MACROD2: variants seen among roughly 807,000 people sequenced by gnomAD.
MACROD2 encodes the protein mono-ADP ribosylhydrolase 2.
MACROD2 carries 36 observed loss-of-function variants against 70.4 expected under a neutral mutation model. The observed-to-expected ratio is 0.51, with a 90% CI of 0.39 to 0.68. The LOEUF (loss-of-function observed/expected upper bound fraction) is 0.68. Among genes scored for constraint, MACROD2 ranks in the 30% least tolerant of loss-of-function variants. The pLI is 0.00. For missense variants in MACROD2, 496 were observed against 538.4 expected (o/e 0.92, Z 0.78); for synonymous variants, 172 against 178.8 (o/e 0.96, Z 0.30).
intron 6 of MACROD2, among the ~76,000 whole-genome samples, chr20:15,296,113 G>A (rs1463289761): frequency 1.3e-5 from 2 of 152,030 alleles, no homozygotes; most frequent in African/African-American, 2.4e-5. Flanking sequence ...CAACTGTCTT[G>A]GTAAATTTCT....
chr20:15,258,328 C>T (rs1166727522), intron 6 of MACROD2, among the ~76,000 whole-genome samples: 1 of 151,966 alleles, frequency 6.6e-6, no homozygotes, highest in Non-Finnish European at 1.5e-5. Flanking sequence ...ACTCACTCAC[C>T]ACTCACTCAC....
intron 8 of MACROD2, among the ~76,000 whole-genome samples, chr20:15,531,336 A>G (rs1000556000): frequency 2.7e-5 from 4 of 149,890 alleles, no homozygotes; most frequent in African/African-American, 7.4e-5. Context: ...AAATATAAAC[A>G]TGTATTATTT....
chr20:15,533,081 T>C (rs1350935344), intron 8 of MACROD2, among the ~76,000 whole-genome samples: 1 of 152,224 alleles, frequency 6.6e-6, no homozygotes, highest in East Asian at 1.9e-4. Flanking sequence ...TTCATCTTAA[T>C]AGGTGTAATG....
chr20:14,255,522 C>T (rs994388841), intron 3 of MACROD2, among the ~76,000 whole-genome samples: 1 of 151,162 alleles, frequency 6.6e-6, no homozygotes, highest in Admixed American at 6.6e-5. Flanking sequence ...ACATCACACA[C>T]CGGGGCCTGT....
chr20:14,667,579 T>G (rs1426812459), intron 4 of MACROD2, among the ~76,000 whole-genome samples: 1 of 152,184 alleles, frequency 6.6e-6, no homozygotes, highest in Non-Finnish European at 1.5e-5. Flanking sequence ...AATATAGGGC[T>G]CCTTTGTGGA....
chr20:14,597,640 C>G (rs1357548860), intron 4 of MACROD2, among the ~76,000 whole-genome samples: 1 of 152,066 alleles, frequency 6.6e-6, no homozygotes, highest in Non-Finnish European at 1.5e-5. Context: ...TATTCACTAG[C>G]CTTAGGGATA....
chr20:14,733,893 C>T (rs1300299324), intron 5 of MACROD2, among the ~76,000 whole-genome samples: 1 of 152,184 alleles, frequency 6.6e-6, no homozygotes, highest in Non-Finnish European at 1.5e-5. Flanking sequence ...TGCTGTGCAA[C>T]ATTGAGCTAA....
At chr20:14,076,498 C>A (rs1228400784) in intron 2 of MACROD2, among the ~76,000 whole-genome samples, 1 of 149,840 alleles carries the variant, frequency 6.7e-6, no homozygotes, top group Non-Finnish European at 1.5e-5. Context: ...AAAAAAAAAA[C>A]CCCAAACGCA....
chr20:14,448,209 T>C (rs1238349537), intron 3 of MACROD2, among the ~76,000 whole-genome samples: 1 of 152,028 alleles, frequency 6.6e-6, no homozygotes, highest in East Asian at 1.9e-4. Flanking sequence ...GTCTAACCTT[T>C]GAATAAAGAT....
Position 15,563,031 on chromosome 20 carries a change from T to C in MACROD2, c.645+63184T>C, listed in dbSNP as rs77751270. Among the ~76,000 whole-genome samples, 12 of 152,342 alleles carry C rather than the reference T, an allele frequency of 7.9e-5. No homozygotes were observed. The East Asian group carries it at 2.3e-3, about 29-fold the overall frequency. ...AAAAGAAAACCAACAGCTTCCCCTT[T>C]ATTCCTGATGCTATGGCTGGCAGAC... On this transcript the variant is annotated intron_variant, in intron 8 of 17. Coordinates refer to ENST00000684519, the MANE Select transcript of MACROD2 (RefSeq NM_001351661.2).
chr20:15,108,321 C>T (rs2075927588), intron 5 of MACROD2, among the ~76,000 whole-genome samples: 1 of 152,174 alleles, frequency 6.6e-6, no homozygotes, highest in South Asian at 2.1e-4. Context: ...TATACTTTGA[C>T]AAGCATTAAT....
chr20:15,503,448 A>G (rs910712613), intron 8 of MACROD2, among the ~76,000 whole-genome samples: 1 of 152,210 alleles, frequency 6.6e-6, no homozygotes, highest in South Asian at 2.1e-4. Flanking sequence ...TCAGTTTGAG[A>G]TTGCTTGCAA....
At chr20:14,551,488 A>G (rs1978651048) in intron 4 of MACROD2, among the ~76,000 whole-genome samples, 1 of 152,208 alleles carries the variant, frequency 6.6e-6, no homozygotes, top group African/African-American at 2.4e-5. Flanking sequence ...ATAGTAAGTT[A>G]TGTTGAGGAA....
chr20:15,866,888 A>T (rs1012457793), intron 9 of MACROD2, among the ~76,000 whole-genome samples: 21 of 152,302 alleles, frequency 1.4e-4, no homozygotes, highest in Admixed American at 2.0e-4. Context: ...GAGAAGCCCA[A>T]AGGCCTTTAT....
intron 3 of MACROD2, among the ~76,000 whole-genome samples, chr20:14,098,553 A>T (rs1049819492): frequency 6.6e-6 from 1 of 152,246 alleles, no homozygotes; most frequent in African/African-American, 2.4e-5. Flanking sequence ...ATGAATTTTT[A>T]TATAGGTAAA....
intron 3 of MACROD2, among the ~76,000 whole-genome samples, chr20:14,377,347 C>G (rs1435566614): frequency 1.3e-5 from 2 of 152,162 alleles, no homozygotes; most frequent in East Asian, 3.8e-4. Flanking sequence ...CTGGGATGCT[C>G]TAATGAGTTG....
At chr20:15,474,033 G>A (rs151004964) in intron 7 of MACROD2, among the ~76,000 whole-genome samples, 78 of 152,184 alleles carry the variant, frequency 5.1e-4, no homozygotes, top group African/African-American at 1.7e-3. Flanking sequence ...ATGCCATTGC[G>A]GACCTCAGTT....
chr20:14,767,661 T>G (rs2123764079), intron 5 of MACROD2, among the ~76,000 whole-genome samples: 1 of 152,036 alleles, frequency 6.6e-6, no homozygotes, highest in Middle Eastern at 3.4e-3. Context: ...AAAATTATAT[T>G]TTAAGTTCTG....
intron 7 of MACROD2, among the ~76,000 whole-genome samples, chr20:15,467,589 T>C (rs532013500): frequency 6.6e-6 from 1 of 152,304 alleles, no homozygotes; most frequent in Admixed American, 6.5e-5. Flanking sequence ...TTATTCCAAA[T>C]CTCCTTTTCT....
Sources: allele counts gnomAD v4.1 joint callset (sites outside exome capture counted in the v4.1 genomes callset), GRCh38; gene constraint gnomAD v4.1.1; transcripts MANE v1.5; gene names NCBI Gene and HGNC (gene_info 2026-07-23, HGNC 2026-07-21).